Variants in RNGTT observed in about 807,000 individuals in gnomAD.
RNGTT encodes the protein mRNA-capping enzyme.
A neutral mutation model predicts 79.3 loss-of-function variants in RNGTT; 33 were observed. The ratio of observed to expected loss-of-function variants is 0.42; its 90% CI spans 0.32 to 0.56. The LOEUF is 0.56. RNGTT is among the 20% of genes least tolerant of loss of function. RNGTT has a pLI of 0.17. For missense variants in RNGTT, 497 were observed against 739.1 expected (o/e 0.67, Z 3.80); for synonymous variants, 222 against 235.9 (o/e 0.94, Z 0.54).
At chr6:88,919,805 C>T (rs1223548889) in intron 4 of RNGTT, among the ~76,000 whole-genome samples, 2 of 146,994 alleles carry the variant, frequency 1.4e-5, no homozygotes, top group Non-Finnish European at 3.0e-5. Flanking sequence ...CAACCTCTAC[C>T]TCAGCCTCCT....
At chr6:88,772,124 A>T (rs867574558) in intron 12 of RNGTT, among the ~76,000 whole-genome samples, 1 of 152,106 alleles carries the variant, frequency 6.6e-6, no homozygotes, top group African/African-American at 2.4e-5. Flanking sequence ...GGCTATAGTG[A>T]GCCATGATCA....
intron 14 of RNGTT, among the ~76,000 whole-genome samples, chr6:88,677,316 G>A (rs1774913631): frequency 6.6e-6 from 1 of 151,160 alleles, no homozygotes; most frequent in Non-Finnish European, 1.5e-5. Flanking sequence ...AGGGCAGGAG[G>A]GGGAAATTTC....
chr6:88,840,584 A>G (rs1322664399), intron 11 of RNGTT, among the ~76,000 whole-genome samples: 1 of 152,134 alleles, frequency 6.6e-6, no homozygotes, highest in Non-Finnish European at 1.5e-5. Flanking sequence ...TTTTTTGTAG[A>G]GACAGGGTTT....
intron 13 of RNGTT, among the ~76,000 whole-genome samples, chr6:88,698,209 GAA>G (rs1279193560): frequency 5.4e-4 from 52 of 95,952 alleles, no homozygotes; most frequent in South Asian, 8.6e-4. Context: ...TGATATATAT[GAA>G]ATATATATAT....
intron 14 of RNGTT, among the ~76,000 whole-genome samples, chr6:88,645,464 A>T (rs577930762): frequency 5.9e-5 from 9 of 152,366 alleles, no homozygotes; most frequent in African/African-American, 2.2e-4. Context: ...ATCCCCATCA[A>T]GCTACCAATG....
intron 13 of RNGTT, among the ~76,000 whole-genome samples, chr6:88,694,859 C>T (rs1256280209): frequency 6.6e-6 from 1 of 152,004 alleles, no homozygotes; most frequent in Non-Finnish European, 1.5e-5. Flanking sequence ...CACCTTCCAC[C>T]ACAGCATGGC....
Position 88,910,022 on chromosome 6 carries a change from C to G in RNGTT, c.368-3582G>C, listed in dbSNP as rs138914980. ...GCAAATTCAAAAACAAAAAGAAGGACCAGTTCCCTCAGATGAGAAGTAATC... is the reference window on the plus strand; with the variant it reads ...GCAAATTCAAAAACAAAAAGAAGGAGCAGTTCCCTCAGATGAGAAGTAATC... On this transcript the variant is annotated intron_variant, in intron 4 of 15. Transcript: ENST00000369485. Among the ~76,000 whole-genome samples the G allele has an allele frequency of 6.9e-3, 1,037 of 151,208 alleles. 15 individuals carry two copies. Among genetic ancestry groups the G allele is most frequent in the African/African-American group, 0.024 (993 of 41,280 alleles).
intron 11 of RNGTT, among the ~76,000 whole-genome samples, chr6:88,808,971 A>C (rs1377395246): frequency 6.6e-6 from 1 of 151,858 alleles, no homozygotes; most frequent in African/African-American, 2.4e-5. Flanking sequence ...AAAAAAAGGA[A>C]CCAACTATAT....
intron 8 of RNGTT, among the ~76,000 whole-genome samples, chr6:88,883,172 A>C (rs79345523): frequency 1.2e-5 from 1 of 81,956 alleles, no homozygotes; most frequent in African/African-American, 8.6e-5. Context: ...CTTTATGACA[A>C]AAAAAAAAAA....
chr6:88,669,186 C>G (rs1774533308), intron 14 of RNGTT, among the ~76,000 whole-genome samples: 2 of 152,178 alleles, frequency 1.3e-5, no homozygotes, highest in Admixed American at 6.5e-5. Context: ...AGCGCTCCCC[C>G]AAACCAGTGT....
Position 88,853,760 on chromosome 6 carries a change from T to C in RNGTT, c.901A>G (p.Met301Val), listed in dbSNP as rs1463163527. 2.0e-6 allele frequency: 3 copies of C among 1,537,114 alleles called. No homozygotes were observed. Among genetic ancestry groups the C allele is most frequent in the African/African-American group, 2.8e-5 (2 of 71,668 alleles). Residue 301 changes from methionine to valine, a missense_variant, in exon 9 of 16, where the codon ATG (methionine) becomes GTG (valine). Met to Val is a conservative substitution (Grantham distance 21, BLOSUM62 1). This residue lies in a region of RNGTT where 440 missense variants were observed against 671.5 expected (regional missense o/e 0.66). Coordinates refer to ENST00000369485, the MANE Select transcript of RNGTT (RefSeq NM_003800.5). ...TCATTTGTGCCATCAATCAACATCATGTACCTGTAAATGAAACATTAAAAA... is the reference window on the plus strand; with the variant it reads ...TCATTTGTGCCATCAATCAACATCACGTACCTGTAAATGAAACATTAAAAA... Reference protein sequence around the residue: ...VSWKADGTRYMMLIDGTNEVF... With the variant: ...VSWKADGTRYVMLIDGTNEVF...
chr6:88,745,777 G>T (rs187379587), intron 13 of RNGTT, among the ~76,000 whole-genome samples: 5 of 151,020 alleles, frequency 3.3e-5, no homozygotes, highest in East Asian at 3.9e-4. Flanking sequence ...AAAAAAAGCA[G>T]AAGAAAAAAA....
At chr6:88,693,633 A>C (rs931518218) in intron 13 of RNGTT, among the ~76,000 whole-genome samples, 1 of 152,258 alleles carries the variant, frequency 6.6e-6, no homozygotes, top group East Asian at 1.9e-4. Context: ...CCTGATACCA[A>C]TGCCAGACAG....
chr6:88,699,822 C>A (rs2756363), intron 13 of RNGTT, among the ~76,000 whole-genome samples: 17,523 of 152,096 alleles, frequency 0.12, 3,397 homozygotes, highest in African/African-American at 0.4. Flanking sequence ...CACAAAAAGA[C>A]AAATATTGTA....
chr6:88,918,301 T>C lies in RNGTT; in HGVS notation c.367+10684A>G, dbSNP rs114039308. Among the ~76,000 whole-genome samples, 350 of 152,302 alleles carry C rather than the reference T, an allele frequency of 2.3e-3. 1 individual carries two copies. The highest frequency in any genetic ancestry group is 8.0e-3 in the African/African-American group (332 of 41,572). On this transcript the variant is annotated intron_variant, in intron 4 of 15. Transcript: ENST00000369485. ...TTGCACCACTGCACTCCAGCCTGGA[T>C]GACTGAGTGAGACACAGTCTTAAAA...
Position 88,612,686 on chromosome 6 carries a change from C to T in RNGTT, c.*33G>A, listed in dbSNP as rs778627352. On this transcript the variant is annotated 3_prime_UTR_variant, in exon 16 of 16. Coordinates refer to ENST00000369485, the MANE Select transcript of RNGTT (RefSeq NM_003800.5). ...GCAACAGCGTTTTTTCCTCATTCCT[C>T]TTTCTTCTTAACCCTCAAGTCACAG... 3.2e-6 allele frequency: 5 copies of T among 1,572,340 alleles called. No homozygotes were observed. In the Admixed American group the frequency reaches 7.1e-5, roughly 22 times the overall value.
rs1582186719 is a variant in RNGTT, at chr6:88,963,554, C to T, written c.-145G>A. 2.9e-6 allele frequency: 2 copies of T among 701,652 alleles called. No individual in the cohort carries two copies. Among genetic ancestry groups the T allele is most frequent in the South Asian group, 4.4e-5 (2 of 45,508 alleles). The allele number at this position is 701,652 out of a possible 1,614,324, so 43.5% of individuals were successfully genotyped here. A position where few individuals can be genotyped will look rare whatever the true frequency, so the allele number is the denominator to read the frequency against. On this transcript the variant is annotated 5_prime_UTR_variant, in exon 1 of 16. Transcript: ENST00000369485. ...ATTCCAACCTCTCCGATCCGGGTAA[C>T]GTCAGGGGCGGCGCGCCACTTTCAT...
chr6:88,864,547 T>C (rs1351413101), intron 8 of RNGTT, among the ~76,000 whole-genome samples: 1 of 152,106 alleles, frequency 6.6e-6, no homozygotes. Flanking sequence ...TTACTAATTA[T>C]GTAACTTTGC....
intron 11 of RNGTT, among the ~76,000 whole-genome samples, chr6:88,840,243 T>G (rs995092914): frequency 6.6e-5 from 10 of 152,202 alleles, no homozygotes; most frequent in Non-Finnish European, 1.3e-4. Context: ...ACTAAGGTCT[T>G]ACATGTTATG....
Sources: gnomAD v4.1 joint callset for allele counts (sites outside exome capture counted in the v4.1 genomes callset) on GRCh38, gnomAD v4.1.1 for gene constraint, gnomAD v4.1.1 regional missense constraint, MANE v1.5 for transcripts, NCBI Gene and HGNC (gene_info 2026-07-23, HGNC 2026-07-21) for gene names.